CDH20: variants seen among roughly 807,000 people sequenced by gnomAD.
The protein encoded by CDH20 is cadherin 20.
In CDH20, 29 loss-of-function variants were observed where a neutral mutation model predicts 74.2. That is an observed-to-expected ratio of 0.39 (90% CI 0.29 to 0.53). The LOEUF (loss-of-function observed/expected upper bound fraction) is 0.53, where lower values mean the gene tolerates loss of function less well. CDH20 is among the 20% of genes least tolerant of loss of function. The probability of loss-of-function intolerance (pLI) is 0.69; values close to 1 mark genes in which losing one functional copy is unlikely to be tolerated. For synonymous variants in CDH20, 469 were observed against 405.4 expected (o/e 1.16, Z -1.88); for missense variants, 988 against 1,048.3 (o/e 0.94, Z 0.79).
intron 1 of CDH20, among the ~76,000 whole-genome samples, chr18:61,356,966 C>T (rs908639796): frequency 9.9e-5 from 15 of 152,176 alleles, no homozygotes; most frequent in African/African-American, 2.7e-4. Flanking sequence ...TATTCTCAGA[C>T]ATGTAGAAAC....
At chr18:61,414,108 G>T (rs927450381) in intron 1 of CDH20, among the ~76,000 whole-genome samples, 4 of 152,152 alleles carry the variant, frequency 2.6e-5, no homozygotes, top group African/African-American at 9.6e-5. Flanking sequence ...TAGACTGCAT[G>T]GTCCCTCCAT....
At chr18:61,549,071 A>G (rs1267100580) in intron 10 of CDH20, among the ~76,000 whole-genome samples, 1 of 152,224 alleles carries the variant, frequency 6.6e-6, no homozygotes, top group Non-Finnish European at 1.5e-5. Context: ...GTCCTACTAC[A>G]TCTCTCAAAT....
At chr18:61,550,369 C>A in intron 11 of CDH20, 140 bp downstream of exon 11, 3 of 1,018,606 alleles carry the variant, frequency 2.9e-6, no homozygotes, top group South Asian at 1.6e-5. Flanking sequence ...TGAGGCTGCA[C>A]AAAAAACAGT....
intron 1 of CDH20, among the ~76,000 whole-genome samples, chr18:61,438,587 T>TA (rs1908915274): frequency 1.3e-5 from 2 of 152,000 alleles, no homozygotes; most frequent in South Asian, 4.2e-4. Context: ...TGGCTACTAT[T>TA]AAAAAGTCAA....
chr18:61,516,861 ATAAT>A (rs1274840107), intron 6 of CDH20, among the ~76,000 whole-genome samples: 1 of 152,156 alleles, frequency 6.6e-6, no homozygotes, highest in Non-Finnish European at 1.5e-5. Flanking sequence ...CAGTACATAA[ATAAT>A]TAAATAAATA....
intron 6 of CDH20, among the ~76,000 whole-genome samples, chr18:61,515,295 C>A (rs917595686): frequency 6.6e-6 from 1 of 152,084 alleles, no homozygotes; most frequent in East Asian, 1.9e-4. Flanking sequence ...TTCTTTGACT[C>A]GGAAAGGGAA....
intron 1 of CDH20, among the ~76,000 whole-genome samples, chr18:61,443,819 C>T (rs1336351286): frequency 2.0e-5 from 3 of 152,048 alleles, no homozygotes; most frequent in Non-Finnish European, 4.4e-5. Flanking sequence ...CCATGGTGCT[C>T]TATTAGGAAT....
intron 1 of CDH20, among the ~76,000 whole-genome samples, chr18:61,362,129 T>C (rs886741907): frequency 2.0e-5 from 3 of 152,182 alleles, no homozygotes; most frequent in Non-Finnish European, 4.4e-5. Flanking sequence ...TTTTCCTATC[T>C]TCCCATAACC....
intron 1 of CDH20, among the ~76,000 whole-genome samples, chr18:61,453,048 C>T (rs1909446613): frequency 6.6e-6 from 1 of 152,122 alleles, no homozygotes; most frequent in African/African-American, 2.4e-5. Flanking sequence ...TTCTTGGTAA[C>T]TATAGTCCAA....
At chr18:61,481,025 A>C (rs183575916) in intron 1 of CDH20, among the ~76,000 whole-genome samples, 61 of 152,332 alleles carry the variant, frequency 4.0e-4, no homozygotes, top group African/African-American at 1.4e-3. Context: ...GCTTGAAGGT[A>C]GAAAGAATAA....
intron 1 of CDH20, among the ~76,000 whole-genome samples, chr18:61,343,720 T>G (rs556908154): frequency 6.6e-6 from 1 of 152,290 alleles, no homozygotes; most frequent in South Asian, 2.1e-4. Context: ...CAGAAAAGAC[T>G]TAGAGGGAGC....
chr18:61,551,332 C>T (rs1318283668), intron 11 of CDH20, among the ~76,000 whole-genome samples: 2 of 152,066 alleles, frequency 1.3e-5, no homozygotes, highest in African/African-American at 4.8e-5. Flanking sequence ...AAAAGAAGTC[C>T]GAGTTTTCTG....
At chr18:61,389,777 T>C (rs555777314) in intron 1 of CDH20, among the ~76,000 whole-genome samples, 22 of 152,298 alleles carry the variant, frequency 1.4e-4, no homozygotes, top group African/African-American at 4.8e-4. Flanking sequence ...CCACTCTTTC[T>C]AAAATTTCTA....
intron 8 of CDH20, among the ~76,000 whole-genome samples, chr18:61,537,957 G>C (rs978442128): frequency 6.6e-6 from 1 of 152,016 alleles, no homozygotes; most frequent in Non-Finnish European, 1.5e-5. Context: ...TGTCTCCTTG[G>C]GGTGGTGACC....
intron 1 of CDH20, among the ~76,000 whole-genome samples, chr18:61,345,371 CT>C (rs1910082589): frequency 6.6e-6 from 1 of 152,118 alleles, no homozygotes; most frequent in South Asian, 2.1e-4. Context: ...AGGCAGGAGG[CT>C]TTGCTGGGCC....
chr18:61,424,108 ATACT>A (rs1912985112), intron 1 of CDH20, among the ~76,000 whole-genome samples: 2 of 152,232 alleles, frequency 1.3e-5, no homozygotes, highest in African/African-American at 4.8e-5. Flanking sequence ...ATAATTGTAC[ATACT>A]TACGGGGTAC....
chr18:61,385,304 A>G (rs1911557810), intron 1 of CDH20, among the ~76,000 whole-genome samples: 1 of 152,188 alleles, frequency 6.6e-6, no homozygotes, highest in African/African-American at 2.4e-5. Context: ...AAGACAGAAC[A>G]AAAAATAAAA....
chr18:61,533,519 A>G (rs1912720128), intron 7 of CDH20, among the ~76,000 whole-genome samples: 2 of 152,214 alleles, frequency 1.3e-5, no homozygotes, highest in Admixed American at 6.5e-5. Context: ...AGTTATTTAT[A>G]TATTTTGGAT....
chr18:61,407,173 G>C (rs1912358011), intron 1 of CDH20, among the ~76,000 whole-genome samples: 1 of 152,136 alleles, frequency 6.6e-6, no homozygotes, highest in Non-Finnish European at 1.5e-5. Context: ...TTCTCTTTAT[G>C]ATAAGAGACA....
Sources: allele counts gnomAD v4.1 joint callset (sites outside exome capture counted in the v4.1 genomes callset), GRCh38; gene constraint gnomAD v4.1.1; transcripts MANE v1.5; gene names NCBI Gene and HGNC (gene_info 2026-07-23, HGNC 2026-07-21).